The following FAM120B variants were observed in gnomAD, a reference collection of about 807,000 sequenced individuals.
FAM120B encodes the protein family with sequence similarity 120 member B, also known as constitutive coactivator of peroxisome proliferator-activated receptor gamma.
In FAM120B, 83 loss-of-function variants were observed where a neutral mutation model predicts 96.3. The observed-to-expected ratio is 0.86, with a 90% CI of 0.72 to 1.03. The LOEUF (loss-of-function observed/expected upper bound fraction) is 1.03, where lower values mean the gene tolerates loss of function less well. Among genes scored for constraint, FAM120B ranks in the 50% least tolerant of loss-of-function variants. The pLI, the probability that FAM120B is intolerant of heterozygous loss-of-function variation, is 0.00. For missense variants in FAM120B, 1,027 were observed against 1,121.2 expected (o/e 0.92, Z 1.20); for synonymous variants, 407 against 402.7 (o/e 1.01, Z -0.13).
At position 170,348,270 on chromosome 6, in the gene FAM120B, G is replaced by T. The variant is rs909013281; in HGVS notation, c.2137G>T (p.Val713Phe). 6.2e-7 allele frequency: 1 copy of T among 1,613,812 alleles called. No homozygotes were observed. Among genetic ancestry groups the T allele is most frequent in the African/African-American group, 1.3e-5 (1 of 74,918 alleles). Residue 713 changes from valine to phenylalanine, a missense_variant, in exon 5 of 11, where the codon GTC becomes TTC. Transcript: ENST00000476287. Reference sequence around the variant, plus strand: ...CTCCTCAAGAGAAGAGCTGCAGGCTGTCGAAAGCCCATTTCAAGCTTTGTG... The same window carrying T: ...CTCCTCAAGAGAAGAGCTGCAGGCTTTCGAAAGCCCATTTCAAGCTTTGTG... ...LSSSREELQA[V>F]ESPFQALCCL...
upstream of FAM120B, among the ~76,000 whole-genome samples, chr6:170,302,650 T>C (rs555000179): frequency 7.9e-5 from 12 of 152,352 alleles, no homozygotes; most frequent in Admixed American, 4.6e-4. Flanking sequence ...CTTTTTCCTC[T>C]GCATTAACCC....
intron 9 of FAM120B, among the ~76,000 whole-genome samples, chr6:170,399,275 T>G (rs1778398486): frequency 6.8e-6 from 1 of 146,198 alleles, no homozygotes; most frequent in Non-Finnish European, 1.5e-5. Context: ...GTCATAACTC[T>G]TAGTAGTGAG....
At position 170,319,012 on chromosome 6, in the gene FAM120B, A is replaced by T; in HGVS notation, c.1622A>T (p.Lys541Met). Residue 541 changes from lysine to methionine, a missense_variant, in exon 2 of 11, where the codon AAG (lysine) becomes ATG (methionine). Transcript: ENST00000476287. ...CCTGTAGCAACAGATTTTGAATTTAAGCTAGAAGCTCTCATGTGTACAAAC... is the reference window on the plus strand; with the variant it reads ...CCTGTAGCAACAGATTTTGAATTTATGCTAGAAGCTCTCATGTGTACAAAC... ...KLPVATDFEF[K>M]LEALMCTNPE... The T allele has an allele frequency of 6.2e-7, 1 of 1,614,128 alleles. No homozygotes were observed. Among genetic ancestry groups the T allele is most frequent in the Non-Finnish European group, 8.5e-7 (1 of 1,179,994 alleles).
rs1785394074 is a variant in FAM120B, at chr6:170,323,033, A to AT, written c.1735-45dup. On this transcript the variant is annotated intron_variant, in intron 2 of 10. Coordinates refer to ENST00000476287, the MANE Select transcript of FAM120B (RefSeq NM_032448.3). The stretch of plus-strand genomic sequence containing the variant: ...TGACTTTTTCTATTTGAAGGTTACT[A>AT]TCCTGTTTTTAAGGAGAAATTCAGT... 6 of 1,527,144 alleles carry AT rather than the reference A, an allele frequency of 3.9e-6. No individual in the cohort carries two copies. In the Admixed American group the frequency reaches 1.1e-4, roughly 29 times the overall value. 94.6% of individuals were successfully genotyped at this position (1,527,144 alleles called of 1,614,324 possible).
intron 6 of FAM120B, among the ~76,000 whole-genome samples, chr6:170,360,968 T>C (rs894975870): frequency 2.6e-5 from 4 of 151,798 alleles, no homozygotes; most frequent in Non-Finnish European, 4.4e-5. Flanking sequence ...TCTGACTGCT[T>C]CACGTTGCAG....
intron 6 of FAM120B, among the ~76,000 whole-genome samples, chr6:170,361,257 T>TATATATATATATATATAC (rs1562567484): frequency 7.8e-6 from 1 of 128,016 alleles, no homozygotes; most frequent in African/African-American, 3.1e-5. Context: ...TATATATACG[T>TATATATATATATATATAC]GTATATATAT....
intron 9 of FAM120B, among the ~76,000 whole-genome samples, chr6:170,400,386 T>G (rs962593202): frequency 6.6e-6 from 1 of 152,118 alleles, no homozygotes; most frequent in Non-Finnish European, 1.5e-5. Flanking sequence ...GAGTGGGACC[T>G]GTTTGGTACT....
chr6:170,306,696 G>C (rs1784301695), upstream of FAM120B: 1 of 152,290 alleles, frequency 6.6e-6, no homozygotes, highest in Non-Finnish European at 1.5e-5. Flanking sequence ...CGGTCACGCA[G>C]ACCCCGCCTC....
intron 6 of FAM120B, among the ~76,000 whole-genome samples, chr6:170,376,927 T>C: frequency 6.7e-6 from 1 of 149,448 alleles, no homozygotes; most frequent in African/African-American, 2.5e-5. Context: ...CACGCGTCCC[T>C]AAACCCAGAC....
chr6:170,303,369 A>G (rs181897031), upstream of FAM120B, among the ~76,000 whole-genome samples: 45 of 152,258 alleles, frequency 3.0e-4, no homozygotes, highest in African/African-American at 1.1e-3. Flanking sequence ...CCTCCTAAGT[A>G]GCTGGGACTA....
chr6:170,371,927 T>A (rs1277196362), intron 6 of FAM120B, among the ~76,000 whole-genome samples: 2 of 152,332 alleles, frequency 1.3e-5, no homozygotes, highest in East Asian at 3.9e-4. Flanking sequence ...TTCACGCAGT[T>A]TTCAAGAAAT....
chr6:170,404,539 G>A lies in FAM120B; in HGVS notation c.2693-11G>A, dbSNP rs972754899. On this transcript the variant is annotated splice_polypyrimidine_tract_variant and intron_variant, in intron 9 of 10. Coordinates refer to ENST00000476287, the MANE Select transcript of FAM120B (RefSeq NM_032448.3). Reference sequence around the variant, plus strand: ...AATTCTTACTTTGGTTTTCATGTCTGTTTACTGCAGGAAGCAGACAGTATG... The same window carrying A: ...AATTCTTACTTTGGTTTTCATGTCTATTTACTGCAGGAAGCAGACAGTATG... 4.3e-6 allele frequency: 7 copies of A among 1,613,278 alleles called. No homozygotes were observed. The highest frequency in any genetic ancestry group is 5.9e-6 in the Non-Finnish European group (7 of 1,179,508).
rs113372631 is a variant in FAM120B at position 170,377,060 on chromosome 6, C to T, written c.2284-11227C>T. Among the ~76,000 whole-genome samples, 309 of 106,446 alleles carry T rather than the reference C, an allele frequency of 2.9e-3. 2 individuals are homozygous for T. Among genetic ancestry groups the T allele is most frequent in the East Asian group, 0.028 (90 of 3,268 alleles). 69.8% of individuals were successfully genotyped at this position (106,446 alleles called of 152,430 possible). ...GTGCACACGCGTCCCTAAACCCAGA[C>T]GCCTGGGAGAACACAGGCTCACGCT... On this transcript the variant is annotated intron_variant, in intron 6 of 10. Transcript: ENST00000476287.
chr6:170,334,596 G>A (rs985774405), intron 4 of FAM120B, among the ~76,000 whole-genome samples: 21 of 151,632 alleles, frequency 1.4e-4, no homozygotes, highest in African/African-American at 4.6e-4. Flanking sequence ...AAGGAAGCTG[G>A]GTGTGTGTGT....
chr6:170,298,260 A>C (rs1462913161), intron 1 of FAM120B: 1 of 152,232 alleles, frequency 6.6e-6, no homozygotes, highest in Non-Finnish European at 1.5e-5. Context: ...GGACCCCAAT[A>C]AACAGCCCAA....
intron 2 of FAM120B, among the ~76,000 whole-genome samples, chr6:170,319,403 A>G (rs1785147879): frequency 6.6e-6 from 1 of 152,376 alleles, no homozygotes; most frequent in South Asian, 2.1e-4. Flanking sequence ...GTGGTGGCTC[A>G]TGCCTGTAAT....
chr6:170,329,647 C>T (rs78000974), intron 3 of FAM120B, among the ~76,000 whole-genome samples: 2,031 of 151,744 alleles, frequency 0.013, 37 homozygotes, highest in African/African-American at 0.043. Flanking sequence ...CTGTGATTAG[C>T]GAATCTCTGT....
intron 5 of FAM120B, among the ~76,000 whole-genome samples, chr6:170,350,893 G>A (rs1399440321): frequency 6.6e-6 from 1 of 152,180 alleles, no homozygotes; most frequent in African/African-American, 2.4e-5. Flanking sequence ...TCTCCTCCAC[G>A]ACTGCAACAC....
At chr6:170,324,844 G>C (rs866616043) in intron 3 of FAM120B, among the ~76,000 whole-genome samples, 15 of 152,274 alleles carry the variant, frequency 9.9e-5, no homozygotes, top group Middle Eastern at 3.4e-3. Flanking sequence ...ATAATGAAGT[G>C]TATCCTATGT....
Sources: gnomAD v4.1 joint callset for allele counts (sites outside exome capture counted in the v4.1 genomes callset) on GRCh38, gnomAD v4.1.1 for gene constraint, MANE v1.5 for transcripts, NCBI Gene and HGNC (gene_info 2026-07-23, HGNC 2026-07-21) for gene names.